Variants in DDR1 observed in about 807,000 individuals in gnomAD.
DDR1 encodes the protein epithelial discoidin domain-containing receptor 1.
Under a neutral mutation model 97.4 loss-of-function variants are expected in DDR1, and 64 were observed. The observed-to-expected ratio is 0.66, with a 90% CI of 0.54 to 0.81. The LOEUF is 0.81. Among genes scored for constraint, DDR1 ranks in the 30% least tolerant of loss-of-function variants. The pLI, the probability that DDR1 is intolerant of heterozygous loss-of-function variation, is 0.00. For missense variants in DDR1, 990 were observed against 1,259.6 expected (o/e 0.79, Z 3.24); for synonymous variants, 458 against 503.7 (o/e 0.91, Z 1.21).
At chr6:30,884,462 G>A (rs1051847587), upstream of DDR1, 32 of 152,182 alleles carry the variant, frequency 2.1e-4, no homozygotes, top group East Asian at 4.7e-3. The surrounding 1 kb of genome is among the most constrained non-coding windows in gnomAD (Gnocchi z 6.1). Context: ...GGAGGAGGAA[G>A]GGAGGGAGCC....
Position 30,891,286 on chromosome 6 carries a change from T to C in DDR1, c.566-94T>C. 2.1e-6 allele frequency: 3 copies of C among 1,412,516 alleles called. No individual in the cohort carries two copies. The highest frequency in any genetic ancestry group is 2.9e-6 in the Non-Finnish European group (3 of 1,020,800). 87.5% of individuals were successfully genotyped at this position (1,412,516 alleles called of 1,614,324 possible). A position where few individuals can be genotyped will look rare whatever the true frequency, so the allele number is the denominator to read the frequency against. ...CCATGCCAATGAGCCAGTGGAGAGA[T>C]ACAAGAAGGGACCTGAAACCTGCCC... On this transcript the variant is annotated intron_variant, in intron 5 of 17. Coordinates refer to ENST00000376568, the MANE Select transcript of DDR1 (RefSeq NM_001297654.2). This position sits in a 1 kb window ranked among gnomAD's most constrained non-coding sequence, Gnocchi z 5.3.
rs1424860447 is a variant in DDR1, at chr6:30,888,171, G to C, written c.-42-517G>C. On this transcript the variant is annotated intron_variant, in intron 1 of 17. Coordinates refer to ENST00000376568, the MANE Select transcript of DDR1 (RefSeq NM_001297654.2). This position sits in a 1 kb window ranked among gnomAD's most constrained non-coding sequence, Gnocchi z 4.2. ...AAAAAAAATGTTTGTTGGCAATTTG[G>C]CTTTGCTTTTCTGTGAAATGACTAT... Among the ~76,000 whole-genome samples, 1 of 151,946 alleles carries C rather than the reference G, an allele frequency of 6.6e-6. No individual in the cohort carries two copies. The highest frequency in any genetic ancestry group is 1.5e-5 in the Non-Finnish European group (1 of 68,008).
chr6:30,898,768 G>T (rs115510842), intron 16 of DDR1, 120 bp from the exon 17 acceptor site: 6 of 1,085,290 alleles, frequency 5.5e-6, no homozygotes, highest in Non-Finnish European at 8.1e-6. Context: ...AGAGCCTGGC[G>T]TCAGGAGGGA....
In DDR1 at chr6:30,894,218, G is replaced by C. The variant is rs1416476990; in HGVS notation, c.1348-288G>C. Among the ~76,000 whole-genome samples the C allele has an allele frequency of 6.6e-6, 1 of 152,018 alleles. No individual in the cohort carries two copies. The highest frequency in any genetic ancestry group is 1.5e-5 in the Non-Finnish European group (1 of 68,010). ...GCTGAGATCATGCCATTTCACTTCA[G>C]CCTGGGCGACAAGAGCAAAATTCCA... is the stretch of plus-strand genomic sequence containing the variant. On this transcript the variant is annotated intron_variant, in intron 10 of 17. Transcript: ENST00000376568. This position sits in a 1 kb window ranked among gnomAD's most constrained non-coding sequence, Gnocchi z 5.7.
At chr6:30,893,495 C>A (rs1406151665) in intron 10 of DDR1, 72 bp downstream of exon 10, 2 of 1,531,410 alleles carry the variant, frequency 1.3e-6, no homozygotes, top group Non-Finnish European at 1.7e-6. Context: ...TCCAGTGGGA[C>A]CTGCAGGGCA....
In DDR1 at chr6:30,888,452, A is replaced by G. The variant is rs1337064346; in HGVS notation, c.-42-236A>G. On this transcript the variant is annotated intron_variant, in intron 1 of 17. Coordinates refer to ENST00000376568, the MANE Select transcript of DDR1 (RefSeq NM_001297654.2). The surrounding 1 kb of genome is among the most constrained non-coding windows in gnomAD (Gnocchi z 4.2). ...TCTTCATGTGTTAAATATGGATAGT[A>G]ATAGTATCTACCTTATGAAGTGACT... is the stretch of plus-strand genomic sequence containing the variant. 20 of 545,388 alleles carry G rather than the reference A, an allele frequency of 3.7e-5. No homozygotes were observed. Among genetic ancestry groups the G allele is most frequent in the Non-Finnish European group, 5.5e-5 (17 of 310,066 alleles). The allele number at this position is 545,388 out of a possible 1,614,324, so 33.8% of individuals were successfully genotyped here.
Position 30,893,351 on chromosome 6 carries a change from C to T in DDR1, c.1275C>T (p.Ala425=), listed in dbSNP as rs751122894. 30 of 1,608,096 alleles carry T rather than the reference C, an allele frequency of 1.9e-5. No homozygotes were observed. Among genetic ancestry groups the T allele is most frequent in the African/African-American group, 4.0e-5 (3 of 74,948 alleles). ...CCATCCTCATCGGCTGCCTGGTGGCCATCATCCTGCTCCTGCTGCTCATCA... is the reference window on the plus strand; with the variant it reads ...CCATCCTCATCGGCTGCCTGGTGGCTATCATCCTGCTCCTGCTGCTCATCA... ...PTAILIGCLV[A]IILLLLLIIA... Residue 425 remains alanine, a synonymous_variant, in exon 10 of 18, where the codon GCC becomes GCT. Transcript: ENST00000376568.
At chr6:30,892,232 G>A in intron 7 of DDR1, 44 bp downstream of exon 7, 1 of 1,608,114 alleles carries the variant, frequency 6.2e-7, no homozygotes, top group Non-Finnish European at 8.5e-7. Flanking sequence ...AGCCATGCAG[G>A]GTGCCGTTGG....
rs34544756 is a variant in DDR1 at position 30,889,312 on chromosome 6, T to C, written c.299T>C (p.Val100Ala). ...CAACGACTGCACCTGGTGGCTCTGGTGGGCACCCAGGGACGGCATGCCGGG... is the reference window on the plus strand; with the variant it reads ...CAACGACTGCACCTGGTGGCTCTGGCGGGCACCCAGGGACGGCATGCCGGG... ...DLQRLHLVAL[V>A]GTQGRHAGGL... The change falls in exon 4 of 18, where the codon GTG becomes GCG. Residue 100 changes from valine to alanine, a missense_variant. Val to Ala is a moderately conservative substitution (Grantham distance 64). Transcript: ENST00000376568. The surrounding 1 kb of genome is among the most constrained non-coding windows in gnomAD (Gnocchi z 4.9). 318 of 1,612,660 alleles carry C rather than the reference T, an allele frequency of 2.0e-4. No homozygotes were observed. Among genetic ancestry groups the C allele is most frequent in the Middle Eastern group, 3.3e-4 (2 of 6,060 alleles).
At chr6:30,887,607 T>G (rs906128623) in intron 1 of DDR1, among the ~76,000 whole-genome samples, 2 of 152,254 alleles carry the variant, frequency 1.3e-5, no homozygotes, top group Non-Finnish European at 2.9e-5. Context: ...GTTAGGAATA[T>G]ATTGCCTCTT....
chr6:30,893,454 G>A, intron 10 of DDR1, 31 bp downstream of exon 10: 1 of 1,584,522 alleles, frequency 6.3e-7, no homozygotes, highest in Non-Finnish European at 8.5e-7. Flanking sequence ...TGGAGTGGCG[G>A]GGGGAGGCCA....
In DDR1 at chr6:30,899,424, G is replaced by T; in HGVS notation, c.*128G>T. ...GCCCATCACCTCTAATAGAGGCAGTGAGACTGCAGGTGGGCTGGGCCCACC... is the reference window on the plus strand; with the variant it reads ...GCCCATCACCTCTAATAGAGGCAGTTAGACTGCAGGTGGGCTGGGCCCACC... On this transcript the variant is annotated 3_prime_UTR_variant, in exon 18 of 18. Coordinates refer to ENST00000376568, the MANE Select transcript of DDR1 (RefSeq NM_001297654.2). 1 of 1,271,896 alleles carries T rather than the reference G, an allele frequency of 7.9e-7. No individual in the cohort carries two copies. 78.8% of individuals were successfully genotyped at this position (1,271,896 alleles called of 1,614,324 possible).
In DDR1 at chr6:30,890,793, T is replaced by C. The variant is rs965267405; in HGVS notation, c.418-180T>C. ...CAGAGCTGCGACAGAGCCAGAGGTC[T>C]CAGCTGCAGATCTTCATTTCACCCA... is the stretch of plus-strand genomic sequence containing the variant. On this transcript the variant is annotated intron_variant, in intron 4 of 17. Transcript: ENST00000376568. The surrounding 1 kb of genome is among the most constrained non-coding windows in gnomAD (Gnocchi z 5.0). 16 of 576,908 alleles carry C rather than the reference T, an allele frequency of 2.8e-5. No individual in the cohort carries two copies. Among genetic ancestry groups the C allele is most frequent in the Non-Finnish European group, 3.5e-5 (12 of 345,866 alleles). 35.7% of individuals were successfully genotyped at this position (576,908 alleles called of 1,614,324 possible).
chr6:30,885,855 TG>T, intron 1 of DDR1: 1 of 1,284,208 alleles, frequency 7.8e-7, no homozygotes, highest in Non-Finnish European at 1.0e-6. Flanking sequence ...CAGAGCTGTG[TG>T]GGTGTTGTCT....
rs377749454 is a variant in DDR1, at chr6:30,884,732, C to T, written c.-43+22C>T. On this transcript the variant is annotated intron_variant, in intron 1 of 17. Transcript: ENST00000376568. This position sits in a 1 kb window ranked among gnomAD's most constrained non-coding sequence, Gnocchi z 6.1. ...AGAGGTAGGGAGAGCGGCGGCGGAA[C>T]CCGCGGGCGGAGGCCTGGGGCTCTT... is the stretch of plus-strand genomic sequence containing the variant. 12 of 155,430 alleles carry T rather than the reference C, an allele frequency of 7.7e-5. No homozygotes were observed. The East Asian group carries it at 1.5e-3, about 19-fold the overall frequency. 9.6% of individuals were successfully genotyped at this position (155,430 alleles called of 1,614,324 possible). A position where few individuals can be genotyped will look rare whatever the true frequency, so the allele number is the denominator to read the frequency against.
Position 30,893,291 on chromosome 6 carries a change from G to T in DDR1, c.1215G>T (p.Gln405His), listed in dbSNP as rs1223838435. ...FSSLELEPRG[Q>H]QPVAKAEGSP... Reference sequence around the variant, plus strand: ...CACCAGAGCTGGAGCCCAGAGGCCAGCAGCCCGTGGCCAAGGCCGAGGGGA... The same window carrying T: ...CACCAGAGCTGGAGCCCAGAGGCCATCAGCCCGTGGCCAAGGCCGAGGGGA... The change falls in exon 10 of 18, where the codon CAG becomes CAT. Residue 405 changes from glutamine to histidine, a missense_variant. Gln to His is a conservative substitution (Grantham distance 24). Coordinates refer to ENST00000376568, the MANE Select transcript of DDR1 (RefSeq NM_001297654.2). The T allele has an allele frequency of 6.2e-7, 1 of 1,605,404 alleles. No individual in the cohort carries two copies.
In DDR1 at chr6:30,892,157, T is replaced by C; in HGVS notation, c.821T>C (p.Phe274Ser). 3.1e-6 allele frequency: 5 copies of C among 1,614,168 alleles called. No individual in the cohort carries two copies. The highest frequency in any genetic ancestry group is 4.2e-6 in the Non-Finnish European group (5 of 1,179,996). The change falls in exon 7 of 18, where the codon TTT becomes TCT. Residue 274 changes from phenylalanine to serine, a missense_variant. Phe to Ser is a radical substitution (Grantham distance 155). Coordinates refer to ENST00000376568, the MANE Select transcript of DDR1 (RefSeq NM_001297654.2). ...GGCTATGTGGAGATGGAGTTTGAGT[T>C]TGACCGGCTGAGGGCCTTCCAGGCT... Reference protein sequence around the residue: ...SSGYVEMEFEFDRLRAFQAMQ... With the variant: ...SSGYVEMEFESDRLRAFQAMQ...
chr6:30,891,104 T>G lies in DDR1; in HGVS notation c.549T>G (p.Tyr183Ter). ...GCGTCTGTCTGCGGGTAGAGCTCTATGGCTGCCTCTGGAGGGGTGAGTGGC... is the reference window on the plus strand; with the variant it reads ...GCGTCTGTCTGCGGGTAGAGCTCTAGGGCTGCCTCTGGAGGGGTGAGTGGC... Reference protein sequence around the residue: ...VMSVCLRVELYGCLWRDGLLS... With the variant: ...VMSVCLRVEL The change falls in exon 5 of 18, where the codon TAT becomes TAG. Residue 183 changes from tyrosine to a stop codon, truncating the protein, a stop_gained. Transcript: ENST00000376568. LOFTEE classifies it high-confidence loss of function. This position sits in a 1 kb window ranked among gnomAD's most constrained non-coding sequence, Gnocchi z 5.3. 6.2e-7 allele frequency: 1 copy of G among 1,613,014 alleles called. No individual in the cohort carries two copies. The highest frequency in any genetic ancestry group is 2.2e-5 in the East Asian group (1 of 44,876).
upstream of DDR1, chr6:30,882,705 C>T (rs1190592815): frequency 6.5e-6 from 1 of 152,686 alleles, no homozygotes; most frequent in African/African-American, 2.4e-5. The surrounding 1 kb of genome is among the most constrained non-coding windows in gnomAD (Gnocchi z 4.8). Context: ...TCTCTAGCTC[C>T]TTCTGCTCTC....
Sources: gnomAD v4.1 joint callset for allele counts (sites outside exome capture counted in the v4.1 genomes callset) on GRCh38, gnomAD v4.1.1 for gene constraint, Gnocchi (gnomAD v3.1) non-coding constraint, MANE v1.5 for transcripts, NCBI Gene and HGNC (gene_info 2026-07-23, HGNC 2026-07-21) for gene names.